The following ADAM23 variants were observed in gnomAD, a reference collection of about 807,000 sequenced individuals.
ADAM23 encodes the protein ADAM metallopeptidase domain 23.
ADAM23 carries 33 observed loss-of-function variants against 120.1 expected under a neutral mutation model. That is an observed-to-expected ratio of 0.27 (90% CI 0.21 to 0.37). The LOEUF (loss-of-function observed/expected upper bound fraction) is 0.37. Among genes scored for constraint, ADAM23 ranks in the 10% least tolerant of loss-of-function variants. The pLI is 1.00. For missense variants in ADAM23, 862 were observed against 1,058.2 expected, an observed-to-expected ratio of 0.81 and a Z score of 2.57; for synonymous variants, 367 against 375.2, an observed-to-expected ratio of 0.98 and a Z score of 0.25.
chr2:206,480,247 G>C (rs1695867689), intron 2 of ADAM23, among the ~76,000 whole-genome samples: 1 of 152,070 alleles, frequency 6.6e-6, no homozygotes, highest in South Asian at 2.1e-4. Flanking sequence ...TACAGGGAAG[G>C]CAAAGAGGAG....
chr2:206,616,348 T>C (rs1698934391), intron 25 of ADAM23, among the ~76,000 whole-genome samples: 1 of 152,206 alleles, frequency 6.6e-6, no homozygotes, highest in Non-Finnish European at 1.5e-5. Flanking sequence ...ACAGCATTGT[T>C]GCAGATAGTG....
At chr2:206,444,177 C>T (rs926223947) in intron 1 of ADAM23, 97 bp downstream of exon 1, 4 of 1,008,630 alleles carry the variant, frequency 4.0e-6, no homozygotes, top group African/African-American at 3.4e-5. Flanking sequence ...GGCTTGTCCC[C>T]GGCTCGGCCT....
In ADAM23 at chr2:206,598,668, G is replaced by A. The variant is rs552693275; in HGVS notation, c.2359+2506G>A. 7.9e-5 allele frequency among the ~76,000 whole-genome samples: 12 copies of A among 152,214 alleles called. No individual in the cohort carries two copies. The East Asian group carries it at 2.1e-3, about 27-fold the overall frequency. ...AATCCCAAGACTTTGGGAGGCCGAG[G>A]GCAGGTGGATCATCTGAGGTCAGGA... On this transcript the variant is annotated intron_variant, in intron 24 of 25. Transcript: ENST00000264377.
intron 10 of ADAM23, among the ~76,000 whole-genome samples, chr2:206,559,623 C>G (rs1416002997): frequency 6.6e-6 from 1 of 152,052 alleles, no homozygotes; most frequent in South Asian, 2.1e-4. Flanking sequence ...CTGTTACCTG[C>G]TATGAGATTT....
chr2:206,603,802 A>T (rs1246918852), intron 24 of ADAM23, among the ~76,000 whole-genome samples: 1 of 152,170 alleles, frequency 6.6e-6, no homozygotes, highest in East Asian at 1.9e-4. Context: ...TCTTTCATAT[A>T]GTTCTTACAA....
At chr2:206,571,578 C>A in intron 16 of ADAM23, 149 bp from the exon 17 acceptor site, 1 of 573,974 alleles carries the variant, frequency 1.7e-6, no homozygotes, top group Non-Finnish European at 3.1e-6. Flanking sequence ...AGGAATCTAT[C>A]CTTGTTTAAA....
chr2:206,456,525 G>A (rs1695305078), intron 2 of ADAM23, among the ~76,000 whole-genome samples: 1 of 152,152 alleles, frequency 6.6e-6, no homozygotes, highest in Non-Finnish European at 1.5e-5. Flanking sequence ...CCTCAACACT[G>A]GAGATTACAA....
chr2:206,466,212 T>C (rs1695539676), intron 2 of ADAM23, among the ~76,000 whole-genome samples: 1 of 152,194 alleles, frequency 6.6e-6, no homozygotes, highest in Non-Finnish European at 1.5e-5. Context: ...GTTTAATATA[T>C]ATACATTCAT....
At chr2:206,561,610 G>A (rs941894938) in intron 12 of ADAM23, among the ~76,000 whole-genome samples, 1 of 151,548 alleles carries the variant, frequency 6.6e-6, no homozygotes, top group Non-Finnish European at 1.5e-5. Context: ...TTCTCCCTAT[G>A]TATATATTTT....
intron 9 of ADAM23, among the ~76,000 whole-genome samples, chr2:206,552,444 T>C (rs1697548523): frequency 6.6e-6 from 1 of 152,124 alleles, no homozygotes; most frequent in African/African-American, 2.4e-5. Context: ...CAGCATATTT[T>C]TTGAATTTAT....
intron 2 of ADAM23, among the ~76,000 whole-genome samples, chr2:206,452,775 C>T (rs1380766199): frequency 1.3e-5 from 2 of 152,172 alleles, no homozygotes; most frequent in African/African-American, 4.8e-5. Flanking sequence ...AGCCATGCCC[C>T]TCAGTTTTCC....
chr2:206,548,395 A>C, intron 8 of ADAM23, 41 bp downstream of exon 8: 1 of 1,575,952 alleles, frequency 6.3e-7, no homozygotes, highest in Non-Finnish European at 8.6e-7. Flanking sequence ...TATTTTACTC[A>C]ATGAAGTCAT....
At chr2:206,605,694 A>G (rs1236827623) in intron 24 of ADAM23, 4 of 672,590 alleles carry the variant, frequency 5.9e-6, no homozygotes, top group Non-Finnish European at 8.0e-6. Flanking sequence ...TATTTAGCCA[A>G]CTTTCAAAGC....
At chr2:206,598,338 G>A (rs942651563) in intron 24 of ADAM23, among the ~76,000 whole-genome samples, 1 of 151,924 alleles carries the variant, frequency 6.6e-6, no homozygotes, top group African/African-American at 2.4e-5. Flanking sequence ...GTTATTAATT[G>A]TCTGGTTCTG....
chr2:206,562,880 C>T (rs1197136034), intron 13 of ADAM23, among the ~76,000 whole-genome samples: 1 of 152,162 alleles, frequency 6.6e-6, no homozygotes, highest in Admixed American at 6.5e-5. Flanking sequence ...CCACACATCC[C>T]ATCAGTAAAA....
intron 2 of ADAM23, among the ~76,000 whole-genome samples, chr2:206,479,354 T>C (rs1695847992): frequency 6.6e-6 from 1 of 152,206 alleles, no homozygotes; most frequent in African/African-American, 2.4e-5. Flanking sequence ...TCTTAGTGTT[T>C]ATAAAGATGT....
At chr2:206,496,810 C>T (rs1301762864) in intron 3 of ADAM23, among the ~76,000 whole-genome samples, 74 of 151,774 alleles carry the variant, frequency 4.9e-4, no homozygotes, top group Admixed American at 2.6e-3. Context: ...TAAAAAATGA[C>T]AAAGGGGATA....
At chr2:206,542,751 C>T (rs1300838412) in intron 5 of ADAM23, among the ~76,000 whole-genome samples, 3 of 152,178 alleles carry the variant, frequency 2.0e-5, no homozygotes, top group Non-Finnish European at 1.5e-5. Flanking sequence ...GACATAGAGT[C>T]ATACTGCTTG....
intron 23 of ADAM23, among the ~76,000 whole-genome samples, chr2:206,595,287 A>C (rs1698502932): frequency 6.6e-6 from 1 of 152,178 alleles, no homozygotes; most frequent in Non-Finnish European, 1.5e-5. Flanking sequence ...TCATCTCTGA[A>C]TGTGTTTCTC....
Sources: gnomAD v4.1 joint callset for allele counts (sites outside exome capture counted in the v4.1 genomes callset) on GRCh38, gnomAD v4.1.1 for gene constraint, MANE v1.5 for transcripts, NCBI Gene and HGNC (gene_info 2026-07-23, HGNC 2026-07-21) for gene names.